The following SLC4A10 variants were observed in gnomAD, a reference collection of about 807,000 sequenced individuals.
SLC4A10 encodes the protein solute carrier family 4 member 10, also known as sodium-driven chloride bicarbonate exchanger.
In SLC4A10, 42 loss-of-function variants were observed where a neutral mutation model predicts 137.7. The ratio of observed to expected loss-of-function variants is 0.30; its 90% CI spans 0.24 to 0.39. The LOEUF (loss-of-function observed/expected upper bound fraction) is 0.39. Among genes scored for constraint, SLC4A10 ranks in the 10% least tolerant of loss-of-function variants. SLC4A10 has a pLI of 1.00. For missense variants in SLC4A10, 925 were observed against 1,355.0 expected (o/e 0.68, Z 4.98); for synonymous variants, 474 against 464.1 (o/e 1.02, Z -0.27).
intron 1 of SLC4A10, among the ~76,000 whole-genome samples, chr2:161,739,324 A>G (rs186871864): frequency 9.9e-5 from 15 of 152,238 alleles, no homozygotes; most frequent in South Asian, 2.1e-4. Flanking sequence ...GAAGGCATGT[A>G]AGCTAGTCTT....
chr2:161,666,508 TG>T (rs1244758248), intron 1 of SLC4A10, among the ~76,000 whole-genome samples: 3 of 151,744 alleles, frequency 2.0e-5, no homozygotes, highest in Non-Finnish European at 3.0e-5. Context: ...CAAGTTTCTT[TG>T]TCTACTACCT....
chr2:161,913,971 TGTAA>T (rs1321896615), intron 15 of SLC4A10, among the ~76,000 whole-genome samples: 8 of 152,354 alleles, frequency 5.3e-5, no homozygotes, highest in South Asian at 2.1e-4. Context: ...TGCTGGATGA[TGTAA>T]GTGTCATTGC....
intron 11 of SLC4A10, among the ~76,000 whole-genome samples, chr2:161,896,741 A>G (rs889328963): frequency 2.6e-5 from 4 of 152,168 alleles, no homozygotes; most frequent in Admixed American, 6.6e-5. Context: ...CCTCTAAGGC[A>G]GAAGGGGCAT....
At chr2:161,816,563 T>A (rs1419790345) in intron 3 of SLC4A10, among the ~76,000 whole-genome samples, 1 of 152,094 alleles carries the variant, frequency 6.6e-6, no homozygotes, top group Non-Finnish European at 1.5e-5. Context: ...TGTGCCATGG[T>A]GGTGTGCTGC....
chr2:161,776,929 C>T (rs2125450262), intron 2 of SLC4A10, among the ~76,000 whole-genome samples: 1 of 150,868 alleles, frequency 6.6e-6, no homozygotes, highest in East Asian at 2.0e-4. Context: ...GGTGATATCT[C>T]ACTGTAGTTT....
chr2:161,845,317 G>A (rs1410573494), intron 4 of SLC4A10, among the ~76,000 whole-genome samples: 1 of 152,064 alleles, frequency 6.6e-6, no homozygotes, highest in Non-Finnish European at 1.5e-5. Context: ...TCATTCTGGA[G>A]CTGGCATAGA....
At chr2:161,833,726 A>G (rs865906548) in intron 3 of SLC4A10, among the ~76,000 whole-genome samples, 1 of 152,244 alleles carries the variant, frequency 6.6e-6, no homozygotes, top group Non-Finnish European at 1.5e-5. Context: ...TCAGAGAGTC[A>G]TGCACTTTTT....
At position 161,947,601 on chromosome 2, in the gene SLC4A10, G is replaced by A. The variant is rs773127828; in HGVS notation, c.2139G>A (p.Arg713=). 37 of 1,612,926 alleles carry A rather than the reference G, an allele frequency of 2.3e-5. No homozygotes were observed. Among genetic ancestry groups the A allele is most frequent in the Non-Finnish European group, 3.1e-5 (37 of 1,179,364 alleles). ...CATTGCATGGAGAGTATGTTGGACG[G>A]GCCTGTGGCCATGATCACCCATATG... is the stretch of plus-strand genomic sequence containing the variant. ...CKSLHGEYVG[R]ACGHDHPYVP... The change falls in exon 17 of 27, where the codon CGG becomes CGA. Residue 713 remains arginine, a synonymous_variant. Transcript: ENST00000446997.
At chr2:161,964,528 G>A (rs147063406) in intron 22 of SLC4A10, among the ~76,000 whole-genome samples, 229 of 152,226 alleles carry the variant, frequency 1.5e-3, no homozygotes, top group African/African-American at 5.3e-3. Flanking sequence ...AATGTTTGTG[G>A]TAGTCTGAAT....
At chr2:161,774,498 A>T (rs564141811) in intron 2 of SLC4A10, among the ~76,000 whole-genome samples, 6 of 151,908 alleles carry the variant, frequency 3.9e-5, no homozygotes, top group South Asian at 2.1e-4. Context: ...CAGTTGCCAG[A>T]GGTGTTGCCT....
intron 18 of SLC4A10, 118 bp downstream of exon 18, chr2:161,949,379 CCA>C: frequency 1.6e-6 from 1 of 610,632 alleles, no homozygotes; most frequent in South Asian, 2.5e-5. Flanking sequence ...GATTAGAAGA[CCA>C]GTAAATGAAA....
Position 161,945,133 on chromosome 2 carries a change from A to G in SLC4A10, c.2103+2236A>G, listed in dbSNP as rs564456450. ...TGTCTGTTTGAAACAGTTTCATCTT[A>G]CTATTTAATGCAAATATTTATGGCA... On this transcript the variant is annotated intron_variant, in intron 16 of 26. Coordinates refer to ENST00000446997, the MANE Select transcript of SLC4A10 (RefSeq NM_001178015.2). 5.8e-5 allele frequency among the ~76,000 whole-genome samples: 8 copies of G among 138,832 alleles called. No individual in the cohort carries two copies. In the East Asian group the frequency reaches 1.8e-3, roughly 32 times the overall value. 91.1% of individuals were successfully genotyped at this position (138,832 alleles called of 152,430 possible). A position where few individuals can be genotyped will look rare whatever the true frequency, so the allele number is the denominator to read the frequency against.
chr2:161,886,472 C>T (rs558602167), intron 10 of SLC4A10, among the ~76,000 whole-genome samples: 1 of 152,100 alleles, frequency 6.6e-6, no homozygotes, highest in African/African-American at 2.4e-5. Context: ...TATTTTTAGA[C>T]TCATTCATTT....
At chr2:161,806,603 G>T (rs1012733979) in intron 3 of SLC4A10, among the ~76,000 whole-genome samples, 1 of 152,054 alleles carries the variant, frequency 6.6e-6, no homozygotes, top group African/African-American at 2.4e-5. Flanking sequence ...GTAAAACACT[G>T]CCAGTCTCTT....
At chr2:161,909,963 G>C (rs1429480847) in intron 15 of SLC4A10, among the ~76,000 whole-genome samples, 3 of 151,878 alleles carry the variant, frequency 2.0e-5, no homozygotes. Context: ...AGATGTTGCT[G>C]GTCTCATATT....
chr2:161,918,608 C>T (rs1687556356), intron 15 of SLC4A10, among the ~76,000 whole-genome samples: 2 of 152,134 alleles, frequency 1.3e-5, no homozygotes, highest in Admixed American at 6.6e-5. Flanking sequence ...TAAAAATTCA[C>T]CACTTATGGG....
At chr2:161,962,019 A>G (rs1696808550) in intron 21 of SLC4A10, among the ~76,000 whole-genome samples, 1 of 152,216 alleles carries the variant, frequency 6.6e-6, no homozygotes, top group Non-Finnish European at 1.5e-5. Context: ...ATACTAGGAT[A>G]TAATAAAAAC....
chr2:161,717,925 G>A (rs2045125088), intron 1 of SLC4A10, among the ~76,000 whole-genome samples: 1 of 152,056 alleles, frequency 6.6e-6, no homozygotes, highest in Admixed American at 6.6e-5. Flanking sequence ...CTGGTCCTGG[G>A]CTGTTTTGTT....
chr2:161,787,581 C>T (rs1157584560), intron 2 of SLC4A10, among the ~76,000 whole-genome samples: 1 of 152,066 alleles, frequency 6.6e-6, no homozygotes, highest in Non-Finnish European at 1.5e-5. Context: ...AATTTACCCC[C>T]TATACCATCT....
Sources: allele counts gnomAD v4.1 joint callset (sites outside exome capture counted in the v4.1 genomes callset), GRCh38; gene constraint gnomAD v4.1.1; transcripts MANE v1.5; gene names NCBI Gene and HGNC (gene_info 2026-07-23, HGNC 2026-07-21).